Variants in SRGAP2B observed in about 807,000 individuals in gnomAD.
The protein encoded by SRGAP2B is SLIT-ROBO Rho GTPase activating protein 2B.
In SRGAP2B, 9 loss-of-function variants were observed where a neutral mutation model predicts 22.2. That is an observed-to-expected ratio of 0.41 (90% CI 0.24 to 0.71). The LOEUF is 0.71. Among genes scored for constraint, SRGAP2B ranks in the 30% least tolerant of loss-of-function variants. The probability of loss-of-function intolerance (pLI) is 0.35; values close to 1 mark genes in which losing one functional copy is unlikely to be tolerated. For missense variants in SRGAP2B, 114 were observed against 235.8 expected (o/e 0.48, Z 3.38); for synonymous variants, 36 against 87.4 (o/e 0.41, Z 3.28).
chr1:144,930,549 T>C (rs1227748369), intron 4 of SRGAP2B, among the ~76,000 whole-genome samples: 1 of 148,764 alleles, frequency 6.7e-6, no homozygotes, highest in Non-Finnish European at 1.5e-5. Flanking sequence ...TTGGCACGTA[T>C]AAAAGCTCTA....
At chr1:144,907,136 TGC>T (rs1247591480) in intron 5 of SRGAP2B, among the ~76,000 whole-genome samples, 9 of 146,554 alleles carry the variant, frequency 6.1e-5, no homozygotes, top group African/African-American at 2.4e-4. Context: ...GGTGTGTGTG[TGC>T]GTGTGTGTGT....
intron 5 of SRGAP2B, among the ~76,000 whole-genome samples, chr1:144,907,064 G>A (rs1211095422): frequency 2.1e-5 from 3 of 145,182 alleles, no homozygotes; most frequent in Admixed American, 6.8e-5. Context: ...GGGAGTTCAC[G>A]AGTGCTGAAA....
chr1:145,089,029 A>G (rs1268688678), intron 2 of SRGAP2B, among the ~76,000 whole-genome samples: 2 of 151,412 alleles, frequency 1.3e-5, no homozygotes, highest in Admixed American at 6.6e-5. Flanking sequence ...ATTATAAGTA[A>G]TCTAGAGATG....
chr1:145,066,688 A>T (rs1451589819), intron 2 of SRGAP2B, among the ~76,000 whole-genome samples: 8 of 151,894 alleles, frequency 5.3e-5, no homozygotes, highest in Non-Finnish European at 8.8e-5. Flanking sequence ...TAAGCACCCC[A>T]GCCCGGGAGC....
chr1:144,904,383 T>C (rs1662832083), intron 7 of SRGAP2B, among the ~76,000 whole-genome samples: 1 of 97,086 alleles, frequency 1.0e-5, no homozygotes, highest in South Asian at 4.3e-4. Context: ...GAGAAGCTGA[T>C]GTAATAAAGT....
In SRGAP2B at chr1:144,924,883, C is replaced by CA. The variant is rs1186816027; in HGVS notation, c.424-10130dup. Among the ~76,000 whole-genome samples the CA allele has an allele frequency of 5.3e-4, 79 of 149,542 alleles. 1 individual carries two copies. The highest frequency in any genetic ancestry group is 1.8e-3 in the African/African-American group (69 of 39,096). On this transcript the variant is annotated intron_variant, in intron 4 of 9. Transcript: ENST00000612199. ...ACTGAGACAGGTGTGTTAAATCTCTCATTAGGGTGATGATTTATCTAGTTC... is the reference window on the plus strand; with the variant it reads ...ACTGAGACAGGTGTGTTAAATCTCTCAATTAGGGTGATGATTTATCTAGTTC...
chr1:144,977,607 AG>A (rs1476860691), intron 3 of SRGAP2B, among the ~76,000 whole-genome samples: 5 of 111,588 alleles, frequency 4.5e-5, no homozygotes, highest in Non-Finnish European at 8.8e-5. Flanking sequence ...TTTACTCTCA[AG>A]TGTTTCAGAA....
intron 2 of SRGAP2B, among the ~76,000 whole-genome samples, chr1:144,997,442 A>G (rs1318398946): frequency 6.7e-6 from 1 of 149,544 alleles, no homozygotes; most frequent in Non-Finnish European, 1.5e-5. Flanking sequence ...AACAAACAAC[A>G]AAAAAAAGAA....
chr1:144,947,444 CT>C (rs1275174687), intron 4 of SRGAP2B, among the ~76,000 whole-genome samples: 3 of 146,418 alleles, frequency 2.0e-5, no homozygotes, highest in Middle Eastern at 3.3e-3. Flanking sequence ...GATTCATTTC[CT>C]TAGTGCCAAA....
chr1:144,907,138 C>T (rs1313998871), intron 5 of SRGAP2B, among the ~76,000 whole-genome samples: 84 of 128,376 alleles, frequency 6.5e-4, no homozygotes, highest in African/African-American at 1.3e-3. Context: ...TGTGTGTGTG[C>T]GTGTGTGTGT....
intron 2 of SRGAP2B, among the ~76,000 whole-genome samples, chr1:145,029,478 TCATTA>T (rs1440603397): frequency 2.3e-5 from 2 of 86,100 alleles, no homozygotes; most frequent in Admixed American, 2.7e-4. Flanking sequence ...TCCCTTCCAG[TCATTA>T]CCCTTCCATA....
At chr1:144,959,186 C>G (rs587776101) in intron 3 of SRGAP2B, among the ~76,000 whole-genome samples, 1 of 150,020 alleles carries the variant, frequency 6.7e-6, no homozygotes, top group East Asian at 1.9e-4. Context: ...CATGTGAGAC[C>G]GTGGTTGGGT....
intron 4 of SRGAP2B, among the ~76,000 whole-genome samples, chr1:144,938,526 C>T (rs1399586830): frequency 1.4e-5 from 2 of 145,870 alleles, no homozygotes; most frequent in African/African-American, 5.3e-5. Context: ...AAGAGCTAAA[C>T]AGCAAAATCC....
chr1:144,924,656 C>T (rs587742528), intron 4 of SRGAP2B, among the ~76,000 whole-genome samples: 3 of 150,730 alleles, frequency 2.0e-5, no homozygotes, highest in African/African-American at 4.9e-5. Flanking sequence ...GGCGTGAACC[C>T]GGGAGGCGGA....
At position 144,940,796 on chromosome 1, in the gene SRGAP2B, C is replaced by CT. The variant is rs1450160527; in HGVS notation, c.423+14642dup. On this transcript the variant is annotated intron_variant, in intron 4 of 9. Transcript: ENST00000612199. ...CCAGCCTGAAAAAAAGAAACTCCAT[C>CT]TCCAAAAAAAAAAAAAAAAAAAGAC... Among the ~76,000 whole-genome samples, 34 of 136,872 alleles carry CT rather than the reference C, an allele frequency of 2.5e-4. No homozygotes were observed. The South Asian group carries it at 7.4e-3, about 30-fold the overall frequency. The allele number at this position is 136,872 out of a possible 152,430, so 89.8% of individuals were successfully genotyped here.
chr1:144,958,414 T>G (rs1240605075), intron 3 of SRGAP2B, among the ~76,000 whole-genome samples: 1 of 149,094 alleles, frequency 6.7e-6, no homozygotes, highest in Admixed American at 6.7e-5. Flanking sequence ...TCCCAGCACT[T>G]TGGGAGGCCA....
At chr1:145,058,369 T>TA (rs1558858428) in intron 2 of SRGAP2B, among the ~76,000 whole-genome samples, 1 of 146,188 alleles carries the variant, frequency 6.8e-6, no homozygotes, top group African/African-American at 2.6e-5. Context: ...GACATCCACA[T>TA]ATGGCCTAGG....
rs1340694809 is a variant in SRGAP2B at position 144,984,362 on chromosome 1, C to CAAA, written c.260+10645_260+10646insTTT. Among the ~76,000 whole-genome samples, 1,075 of 110,756 alleles carry CAAA rather than the reference C, an allele frequency of 9.7e-3. 10 individuals are homozygous for CAAA. The highest frequency in any genetic ancestry group is 0.03 in the East Asian group (128 of 4,198). 72.7% of individuals were successfully genotyped at this position (110,756 alleles called of 152,430 possible). A position where few individuals can be genotyped will look rare whatever the true frequency, so the allele number is the denominator to read the frequency against. ...ACAACAACAACAACAACAACAACAA[C>CAAA]AACAAAAAAAAAAAAACAAAAAAGC... On this transcript the variant is annotated intron_variant, in intron 3 of 9. Coordinates refer to ENST00000612199, the Ensembl canonical transcript of SRGAP2B.
rs1334750319 is a variant in SRGAP2B, at chr1:144,917,737, G to A, written c.424-2983C>T. On this transcript the variant is annotated intron_variant, in intron 4 of 9. Coordinates refer to ENST00000612199, the Ensembl canonical transcript of SRGAP2B. The stretch of plus-strand genomic sequence containing the variant: ...GTTGGGCTGGGAATACATGTGTAGC[G>A]AGCCCACTTAAAATGTGCAATACAG... 6 of 129,762 alleles carry A rather than the reference G, an allele frequency of 4.6e-5. No individual in the cohort carries two copies. The East Asian group carries it at 6.6e-4, about 14-fold the overall frequency. The allele number at this position is 129,762 out of a possible 1,614,324, so 8.0% of individuals were successfully genotyped here. A position where few individuals can be genotyped will look rare whatever the true frequency, so the allele number is the denominator to read the frequency against.
Sources: allele counts gnomAD v4.1 joint callset (sites outside exome capture counted in the v4.1 genomes callset), GRCh38; gene constraint gnomAD v4.1.1; transcripts MANE v1.5; gene names NCBI Gene and HGNC (gene_info 2026-07-23, HGNC 2026-07-21).